PTPRK: variants seen among roughly 807,000 people sequenced by gnomAD.
PTPRK encodes the protein protein tyrosine phosphatase receptor type K.
Under a neutral mutation model 178.0 loss-of-function variants are expected in PTPRK, and 75 were observed. That is an observed-to-expected ratio of 0.42 (90% CI 0.35 to 0.51). PTPRK has a LOEUF of 0.51. Ranked by LOEUF, PTPRK falls within the 20% of genes least tolerant of loss-of-function variation. PTPRK has a pLI of 0.02. For missense variants in PTPRK, 1,441 were observed against 1,797.8 expected, an observed-to-expected ratio of 0.80 and a Z score of 3.59; for synonymous variants, 637 against 620.6, an observed-to-expected ratio of 1.03 and a Z score of -0.39.
At chr6:128,496,779 G>A (rs1161542454) in intron 1 of PTPRK, among the ~76,000 whole-genome samples, 2 of 152,100 alleles carry the variant, frequency 1.3e-5, no homozygotes, top group African/African-American at 4.8e-5. Flanking sequence ...TGTTACACAA[G>A]GTATAATAAA....
At chr6:128,372,603 T>C (rs1836443159) in intron 2 of PTPRK, among the ~76,000 whole-genome samples, 1 of 152,196 alleles carries the variant, frequency 6.6e-6, no homozygotes, top group African/African-American at 2.4e-5. Flanking sequence ...TCTATACCTG[T>C]AGTTGGTCTT....
At chr6:128,027,203 C>T (rs142610675) in intron 13 of PTPRK, among the ~76,000 whole-genome samples, 573 of 152,292 alleles carry the variant, frequency 3.8e-3, no homozygotes, top group Non-Finnish European at 7.0e-3. Flanking sequence ...AATACTTCCT[C>T]ATTATTTCTT....
At chr6:128,030,212 C>T (rs895193011) in intron 13 of PTPRK, among the ~76,000 whole-genome samples, 3 of 152,072 alleles carry the variant, frequency 2.0e-5, no homozygotes, top group Admixed American at 6.6e-5. Flanking sequence ...GAAGTGGGGG[C>T]TGTGAGCCAA....
At chr6:128,275,079 A>G (rs1330117078) in intron 3 of PTPRK, among the ~76,000 whole-genome samples, 2 of 152,082 alleles carry the variant, frequency 1.3e-5, no homozygotes, top group African/African-American at 4.8e-5. Context: ...ATATTTCCTT[A>G]TACTTCACTA....
intron 13 of PTPRK, among the ~76,000 whole-genome samples, chr6:128,049,446 T>G (rs1162499355): frequency 6.6e-6 from 1 of 152,150 alleles, no homozygotes; most frequent in Non-Finnish European, 1.5e-5. Context: ...ACTTTAAGAA[T>G]AATTTTATGT....
At chr6:128,266,367 G>T (rs1818948674) in intron 3 of PTPRK, among the ~76,000 whole-genome samples, 1 of 152,080 alleles carries the variant, frequency 6.6e-6, no homozygotes, top group African/African-American at 2.4e-5. Flanking sequence ...CCAGTGGTCT[G>T]GCAGTGACTG....
At chr6:128,089,532 T>C (rs1786554532) in intron 8 of PTPRK, among the ~76,000 whole-genome samples, 158 bp downstream of exon 8, 1 of 152,198 alleles carries the variant, frequency 6.6e-6, no homozygotes, top group African/African-American at 2.4e-5. Flanking sequence ...TATTAGGTTT[T>C]GTAAAAGGCA....
intron 6 of PTPRK, among the ~76,000 whole-genome samples, chr6:128,202,310 C>T (rs920011829): frequency 6.6e-6 from 1 of 152,180 alleles, no homozygotes; most frequent in African/African-American, 2.4e-5. Context: ...GGAAACCACG[C>T]TTCTCCCGTA....
intron 2 of PTPRK, among the ~76,000 whole-genome samples, chr6:128,332,470 T>C (rs570432375): frequency 2.6e-5 from 4 of 152,336 alleles, no homozygotes; most frequent in African/African-American, 9.6e-5. Context: ...GAGGACTAAA[T>C]GAGACTACCT....
intron 7 of PTPRK, among the ~76,000 whole-genome samples, chr6:128,142,914 G>T (rs1247924667): frequency 6.6e-6 from 1 of 151,908 alleles, no homozygotes; most frequent in Non-Finnish European, 1.5e-5. Context: ...TTGGTACATT[G>T]TTTCTTCACA....
intron 7 of PTPRK, among the ~76,000 whole-genome samples, chr6:128,153,356 T>C (rs1797541099): frequency 6.6e-6 from 1 of 151,836 alleles, no homozygotes; most frequent in African/African-American, 2.4e-5. Flanking sequence ...CGCTGGGACA[T>C]GGTTGAGAAA....
chr6:128,508,273 AG>A (rs1856653002), intron 1 of PTPRK, among the ~76,000 whole-genome samples: 1 of 152,132 alleles, frequency 6.6e-6, no homozygotes, highest in Non-Finnish European at 1.5e-5. Context: ...CTTACTTGCC[AG>A]CATACCCAAA....
chr6:128,464,638 C>CACATATATATATATATATAT (rs1164450520), intron 1 of PTPRK, among the ~76,000 whole-genome samples: 11 of 48,606 alleles, frequency 2.3e-4, no homozygotes, highest in African/African-American at 6.6e-4. Flanking sequence ...TATATATACA[C>CACATATATATATATATATAT]ATATATATAT....
At chr6:127,996,419 A>T (rs1194510665) in intron 17 of PTPRK, among the ~76,000 whole-genome samples, 4 of 152,080 alleles carry the variant, frequency 2.6e-5, no homozygotes, top group Admixed American at 1.3e-4. Context: ...AATTTAATTA[A>T]TGAGGATGAT....
chr6:128,404,209 G>A (rs1051742806), intron 1 of PTPRK, among the ~76,000 whole-genome samples: 1 of 152,188 alleles, frequency 6.6e-6, no homozygotes, highest in Non-Finnish European at 1.5e-5. Context: ...ACCAGAAATG[G>A]AGAATGATAG....
At position 128,065,450 on chromosome 6, in the gene PTPRK, GTAGGAGACACA is replaced by G. The variant is rs1432136811; in HGVS notation, c.2158-667_2158-657del. ...TTATTTTTAACGCTGTCAGGTGGCA[GTAGGAGACACA>G]TGTCCCTGCCAGCTACTTTTGGCCC... is the stretch of plus-strand genomic sequence containing the variant. On this transcript the variant is annotated intron_variant, in intron 12 of 29. Transcript: ENST00000368226. 4.6e-5 allele frequency among the ~76,000 whole-genome samples: 7 copies of G among 152,170 alleles called. No individual in the cohort carries two copies. In the East Asian group the frequency reaches 1.3e-3, roughly 29 times the overall value.
At chr6:128,443,646 G>GAGACAGAGAAGGA (rs1846572235) in intron 1 of PTPRK, among the ~76,000 whole-genome samples, 1 of 152,178 alleles carries the variant, frequency 6.6e-6, no homozygotes, top group Non-Finnish European at 1.5e-5. Context: ...AGGTGAGGCA[G>GAGACAGAGAAGGA]AGACAGAGAA....
At chr6:128,440,970 T>G (rs1846210762) in intron 1 of PTPRK, among the ~76,000 whole-genome samples, 1 of 152,152 alleles carries the variant, frequency 6.6e-6, no homozygotes, top group Admixed American at 6.6e-5. Flanking sequence ...TGATGGATGC[T>G]GCTAAATTAC....
At chr6:128,081,012 CAT>C (rs1183978544) in intron 10 of PTPRK, among the ~76,000 whole-genome samples, 1 of 151,882 alleles carries the variant, frequency 6.6e-6, no homozygotes. Flanking sequence ...CCTTGAGAGA[CAT>C]ACACACACAC....
Sources: allele counts gnomAD v4.1 joint callset (sites outside exome capture counted in the v4.1 genomes callset), GRCh38; gene constraint gnomAD v4.1.1; transcripts MANE v1.5; gene names NCBI Gene and HGNC (gene_info 2026-07-23, HGNC 2026-07-21).